MCC: variants seen among roughly 807,000 people sequenced by gnomAD.
MCC encodes the protein colorectal mutant cancer protein.
A neutral mutation model predicts 116.2 loss-of-function variants in MCC; 90 were observed. The ratio of observed to expected loss-of-function variants is 0.77; its 90% CI spans 0.65 to 0.92. The LOEUF is 0.92. Ranked by LOEUF, MCC falls within the 40% of genes least tolerant of loss-of-function variation. MCC has a pLI of 0.00. For missense variants in MCC, 1,516 were observed against 1,312.2 expected (o/e 1.16, Z -2.40); for synonymous variants, 578 against 510.5 (o/e 1.13, Z -1.78).
intron 1 of MCC, among the ~76,000 whole-genome samples, chr5:113,401,979 A>T (rs1769699460): frequency 6.6e-6 from 1 of 151,826 alleles, no homozygotes; most frequent in African/African-American, 2.4e-5. Flanking sequence ...CCTCCCAAGT[A>T]GGTAGGACTA....
At chr5:113,422,850 T>C (rs1770378258) in intron 1 of MCC, among the ~76,000 whole-genome samples, 1 of 152,204 alleles carries the variant, frequency 6.6e-6, no homozygotes, top group Non-Finnish European at 1.5e-5. Context: ...ATATACTTAG[T>C]TACTTTCCTT....
At position 113,447,125 on chromosome 5, in the gene MCC, C is replaced by T. The variant is rs141386715; in HGVS notation, c.170+41120G>A. Among the ~76,000 whole-genome samples the T allele has an allele frequency of 2.3e-3, 356 of 152,224 alleles. 3 individuals are homozygous for T. The highest frequency in any genetic ancestry group is 3.0e-3 in the Non-Finnish European group (205 of 68,020). The stretch of plus-strand genomic sequence containing the variant: ...GAAAAATAGGCATAAATTTATCTCT[C>T]TGGGCACCTTTGTCTAAACTGATCT... On this transcript the variant is annotated intron_variant, in intron 1 of 18. Transcript: ENST00000408903.
intron 3 of MCC, among the ~76,000 whole-genome samples, chr5:113,224,328 A>G (rs1763657312): frequency 6.6e-6 from 1 of 152,140 alleles, no homozygotes; most frequent in Admixed American, 6.5e-5. Flanking sequence ...CCTGGCCTCA[A>G]GTGATCAGCC....
At chr5:113,339,625 CTG>C (rs1767961930) in intron 3 of MCC, among the ~76,000 whole-genome samples, 1 of 152,088 alleles carries the variant, frequency 6.6e-6, no homozygotes, top group Non-Finnish European at 1.5e-5. Context: ...ATTTTGTAGA[CTG>C]TCATTTAATT....
At chr5:113,278,379 A>G (rs913939255) in intron 3 of MCC, among the ~76,000 whole-genome samples, 2 of 152,206 alleles carry the variant, frequency 1.3e-5, no homozygotes, top group Admixed American at 6.5e-5. Context: ...ACTAGGGTCA[A>G]TGGTGAATAA....
At position 113,101,867 on chromosome 5, in the gene MCC, C is replaced by G; in HGVS notation, c.1270G>C (p.Glu424Gln). ...LAEERSRWEK[E>Q]LAGLREENES... Reference sequence around the variant, plus strand: ...TTCTCTTCCCTCAGCCCAGCCAGCTCCTTCTCCCACCGAGACCTCTCTTCA... The same window carrying G: ...TTCTCTTCCCTCAGCCCAGCCAGCTGCTTCTCCCACCGAGACCTCTCTTCA... The change falls in exon 8 of 19, where the codon GAG (glutamate) becomes CAG (glutamine). Residue 424 changes from glutamate to glutamine, a missense_variant. Transcript: ENST00000408903. 1 of 1,606,694 alleles carries G rather than the reference C, an allele frequency of 6.2e-7. No homozygotes were observed. Among genetic ancestry groups the G allele is most frequent in the Non-Finnish European group, 8.5e-7 (1 of 1,177,270 alleles).
chr5:113,243,413 C>T (rs537610090), intron 3 of MCC, among the ~76,000 whole-genome samples: 10 of 152,194 alleles, frequency 6.6e-5, no homozygotes, highest in South Asian at 2.1e-4. Context: ...ACCCTTCACA[C>T]GTACAGGACT....
intron 1 of MCC, among the ~76,000 whole-genome samples, chr5:113,456,781 ACTT>A (rs1179233087): frequency 1.6e-5 from 2 of 127,614 alleles, no homozygotes; most frequent in Non-Finnish European, 3.2e-5. Context: ...AATGAGCACT[ACTT>A]TTTTTTTTTT....
At chr5:113,142,911 C>T (rs1179910190) in intron 5 of MCC, among the ~76,000 whole-genome samples, 1 of 152,172 alleles carries the variant, frequency 6.6e-6, no homozygotes, top group African/African-American at 2.4e-5. Context: ...AAGCATTTCA[C>T]TCAACTTCTG....
At chr5:113,126,558 C>G (rs1166658847) in intron 5 of MCC, among the ~76,000 whole-genome samples, 1 of 152,018 alleles carries the variant, frequency 6.6e-6, no homozygotes, top group Non-Finnish European at 1.5e-5. Context: ...GAAAAAAACT[C>G]AGATGAATCG....
At chr5:113,363,736 A>G (rs1286151715) in intron 2 of MCC, among the ~76,000 whole-genome samples, 1 of 152,208 alleles carries the variant, frequency 6.6e-6, no homozygotes, top group Non-Finnish European at 1.5e-5. Context: ...ATTGCAAAAT[A>G]CAATCATGCC....
intron 8 of MCC, among the ~76,000 whole-genome samples, chr5:113,093,174 G>A (rs1327677696): frequency 6.6e-6 from 1 of 152,220 alleles, no homozygotes; most frequent in African/African-American, 2.4e-5. Context: ...AAGGGGATGG[G>A]ATATTATATG....
intron 3 of MCC, among the ~76,000 whole-genome samples, chr5:113,204,025 G>A (rs547571082): frequency 1.1e-4 from 16 of 152,200 alleles, no homozygotes; most frequent in South Asian, 8.3e-4. Flanking sequence ...TTCCTTTTCC[G>A]GCAATTTTTA....
At chr5:113,182,813 A>G (rs1045599272) in intron 3 of MCC, among the ~76,000 whole-genome samples, 5 of 152,176 alleles carry the variant, frequency 3.3e-5, no homozygotes, top group Non-Finnish European at 5.9e-5. Flanking sequence ...TGCGCATCCA[A>G]TGAGGAACTG....
intron 3 of MCC, among the ~76,000 whole-genome samples, chr5:113,164,218 CTA>C (rs1433251807): frequency 1.3e-5 from 2 of 152,184 alleles, no homozygotes; most frequent in Non-Finnish European, 2.9e-5. Context: ...CAGGTGGTCA[CTA>C]TGTCTATGTG....
intron 11 of MCC, 95 bp downstream of exon 11, chr5:113,082,765 A>G: frequency 6.7e-7 from 1 of 1,483,130 alleles, no homozygotes; most frequent in Admixed American, 1.9e-5. Context: ...CTATGTCACA[A>G]TACATAAGCC....
At chr5:113,476,969 G>C (rs1679515052) in intron 1 of MCC, among the ~76,000 whole-genome samples, 1 of 152,112 alleles carries the variant, frequency 6.6e-6, no homozygotes, top group South Asian at 2.1e-4. Flanking sequence ...ATTGAGTAGT[G>C]GTCATGACCT....
chr5:113,229,505 A>C (rs1763863391), intron 3 of MCC, among the ~76,000 whole-genome samples: 1 of 152,214 alleles, frequency 6.6e-6, no homozygotes, highest in Non-Finnish European at 1.5e-5. Flanking sequence ...TCAGGTCAGC[A>C]AAAGTGATCC....
Position 113,071,119 on chromosome 5 carries a change from C to A in MCC, c.1900G>T (p.Ala634Ser). Residue 634 changes from alanine (A) to serine (S), a missense_variant, in exon 12 of 19, where the codon GCG becomes TCG. Ala to Ser is a moderately conservative substitution (Grantham distance 99). Transcript: ENST00000408903. Reference sequence around the variant, plus strand: ...CTGTACTGCAAGGCCAGCCTCAGCGCTGTGGCATTGGATTCGTATTTTCCC... The same window carrying A: ...CTGTACTGCAAGGCCAGCCTCAGCGATGTGGCATTGGATTCGTATTTTCCC... ...LVGKYESNATALRLALQYSEQ... is the reference protein window; with the variant it reads ...LVGKYESNATSLRLALQYSEQ... 3 of 1,612,990 alleles carry A rather than the reference C, an allele frequency of 1.9e-6. No homozygotes were observed. Among genetic ancestry groups the A allele is most frequent in the Non-Finnish European group, 2.5e-6 (3 of 1,179,712 alleles).
Sources: allele counts gnomAD v4.1 joint callset (sites outside exome capture counted in the v4.1 genomes callset), GRCh38; gene constraint gnomAD v4.1.1; transcripts MANE v1.5; gene names NCBI Gene and HGNC (gene_info 2026-07-23, HGNC 2026-07-21).